PREP: variants seen among roughly 807,000 people sequenced by gnomAD.
The protein encoded by PREP is dJ355L5.1 (prolyl endopeptidase).
PREP carries 29 observed loss-of-function variants against 87.6 expected under a neutral mutation model. That is an observed-to-expected ratio of 0.33 (90% CI 0.25 to 0.45). The LOEUF is 0.45. PREP is among the 20% of genes least tolerant of loss of function. The pLI is 1.00. For synonymous variants in PREP, 337 were observed against 328.6 expected (o/e 1.03, Z -0.28); for missense variants, 695 against 886.5 (o/e 0.78, Z 2.74).
rs986457434 is a variant in PREP, at chr6:105,323,578, C to T, written c.1317+87G>A. 4 of 1,208,408 alleles carry T rather than the reference C, an allele frequency of 3.3e-6. No individual in the cohort carries two copies. The African/African-American group carries it at 6.0e-5, about 18-fold the overall frequency. 74.9% of individuals were successfully genotyped at this position (1,208,408 alleles called of 1,614,324 possible). On this transcript the variant is annotated intron_variant, in intron 10 of 14. Transcript: ENST00000652536. ...TACTAGTTGTCATGAATTACCTCCA[C>T]TGCTTCTGATAAGCTACAGTGTGAA...
intron 7 of PREP, among the ~76,000 whole-genome samples, chr6:105,352,288 A>T (rs1256056168): frequency 1.3e-5 from 2 of 152,164 alleles, no homozygotes; most frequent in Admixed American, 1.3e-4. Context: ...TTTGTGCTTG[A>T]TGATAGTGCT....
intron 10 of PREP, among the ~76,000 whole-genome samples, chr6:105,317,278 GA>G (rs1202765720): frequency 6.7e-6 from 1 of 150,282 alleles, no homozygotes; most frequent in Non-Finnish European, 1.5e-5. Context: ...TTTAAGAGGT[GA>G]AAAAAAAATC....
At chr6:105,300,025 T>C (rs2114625538) in intron 10 of PREP, among the ~76,000 whole-genome samples, 1 of 152,120 alleles carries the variant, frequency 6.6e-6, no homozygotes, top group South Asian at 2.1e-4. Flanking sequence ...GCCTCCTGAG[T>C]AGCTGAGAAT....
intron 7 of PREP, among the ~76,000 whole-genome samples, chr6:105,338,312 A>G (rs752515940): frequency 6.6e-6 from 1 of 152,252 alleles, no homozygotes; most frequent in African/African-American, 2.4e-5. Context: ...CAAAGTCACT[A>G]AAGTATGCAC....
intron 10 of PREP, among the ~76,000 whole-genome samples, chr6:105,307,070 CT>C (rs1208852772): frequency 6.6e-6 from 1 of 152,216 alleles, no homozygotes; most frequent in Non-Finnish European, 1.5e-5. Flanking sequence ...TTCTACTAAC[CT>C]GTAAATTCAG....
At chr6:105,285,009 G>GAAAACCAGC (rs1171831762) in intron 12 of PREP, among the ~76,000 whole-genome samples, 1 of 152,202 alleles carries the variant, frequency 6.6e-6, no homozygotes, top group East Asian at 1.9e-4. Context: ...GAAGATCTGA[G>GAAAACCAGC]AAAACCAGCA....
chr6:105,349,802 T>A (rs1305089288), intron 7 of PREP, among the ~76,000 whole-genome samples: 1 of 149,988 alleles, frequency 6.7e-6, no homozygotes, highest in African/African-American at 2.5e-5. Flanking sequence ...GTCTAAGTCA[T>A]CTAACATTCA....
Position 105,281,783 on chromosome 6 carries a change from A to T in PREP, c.1801T>A (p.Cys601Ser). The T allele has an allele frequency of 6.2e-7, 1 of 1,614,116 alleles. No homozygotes were observed. Among genetic ancestry groups the T allele is most frequent in the Non-Finnish European group, 8.5e-7 (1 of 1,180,010 alleles). ...TCAAAGTGTTGTTTGCTGTCCGAGC[A>T]CCCATAATCAGTGGTCCAAGCATGG... ...IGHAWTTDYG[C>S]SDSKQHFEWL... Residue 601 changes from cysteine to serine, a missense_variant, in exon 14 of 15, where the codon TGC becomes AGC. Physicochemically the swap from Cys to Ser is moderately radical, Grantham distance 112. Around this residue, in one of 5 missense-constraint regions of PREP, gnomAD observed 121 missense variants for 154.8 expected, o/e 0.78. Transcript: ENST00000652536.
At chr6:105,334,182 T>C (rs974834399) in intron 7 of PREP, among the ~76,000 whole-genome samples, 1 of 152,228 alleles carries the variant, frequency 6.6e-6, no homozygotes, top group Non-Finnish European at 1.5e-5. Flanking sequence ...TCCATGTTAG[T>C]GCCCTTAGAA....
intron 10 of PREP, among the ~76,000 whole-genome samples, chr6:105,308,235 G>A (rs543430055): frequency 2.0e-5 from 3 of 152,108 alleles, no homozygotes; most frequent in East Asian, 1.9e-4. Context: ...AGATTTGACC[G>A]TCCAGAGGCT....
chr6:105,349,599 C>G (rs2114679571), intron 7 of PREP, among the ~76,000 whole-genome samples: 1 of 152,148 alleles, frequency 6.6e-6, no homozygotes, highest in Non-Finnish European at 1.5e-5. Flanking sequence ...TCAAAAAAGA[C>G]AACTGAGTGG....
intron 7 of PREP, among the ~76,000 whole-genome samples, chr6:105,344,040 T>C (rs1345478014): frequency 6.6e-6 from 1 of 152,248 alleles, no homozygotes; most frequent in East Asian, 1.9e-4. Context: ...CAAAGGATTA[T>C]AAATCGTGCT....
chr6:105,376,405 G>A, intron 3 of PREP, 150 bp from the exon 4 acceptor site: 2 of 801,508 alleles, frequency 2.5e-6, no homozygotes, highest in Admixed American at 2.8e-5. Context: ...GGACATGGGT[G>A]AAAGGTTCCA....
intron 7 of PREP, among the ~76,000 whole-genome samples, chr6:105,340,284 G>A (rs569679427): frequency 7.2e-5 from 11 of 152,216 alleles, no homozygotes; most frequent in Middle Eastern, 3.4e-3. Context: ...TTCATATGCA[G>A]CCAAACTAAG....
At chr6:105,389,268 A>C (rs1441851259) in intron 2 of PREP, among the ~76,000 whole-genome samples, 1 of 152,192 alleles carries the variant, frequency 6.6e-6, no homozygotes, top group African/African-American at 2.4e-5. Flanking sequence ...AAATTAATGA[A>C]TATTACTTTA....
intron 6 of PREP, among the ~76,000 whole-genome samples, chr6:105,356,062 TCCTCTTGGCTATCAGTCA>T (rs1772090974): frequency 6.6e-6 from 1 of 152,196 alleles, no homozygotes; most frequent in Admixed American, 6.5e-5. Context: ...TGACTATTTT[TCCTCTTGGCTATCAGTCA>T]CATTTTTTTT....
chr6:105,390,102 A>T (rs181103755), intron 2 of PREP, among the ~76,000 whole-genome samples: 1 of 152,186 alleles, frequency 6.6e-6, no homozygotes, highest in African/African-American at 2.4e-5. Context: ...GGAAAGAAAC[A>T]GTACTGAGAC....
At chr6:105,285,398 C>A in intron 12 of PREP, 88 bp downstream of exon 12, 2 of 1,347,266 alleles carry the variant, frequency 1.5e-6, no homozygotes, top group Non-Finnish European at 2.1e-6. Context: ...CTGCTCCAAA[C>A]CCCTTCAGCT....
At chr6:105,365,562 A>C (rs537360089) in intron 6 of PREP, among the ~76,000 whole-genome samples, 4 of 152,300 alleles carry the variant, frequency 2.6e-5, no homozygotes, top group African/African-American at 9.6e-5. Flanking sequence ...TGTTTAAGTG[A>C]CAAGAGTACT....
Sources: gnomAD v4.1 joint callset for allele counts (sites outside exome capture counted in the v4.1 genomes callset) on GRCh38, gnomAD v4.1.1 for gene constraint, gnomAD v4.1.1 regional missense constraint, MANE v1.5 for transcripts, NCBI Gene and HGNC (gene_info 2026-07-23, HGNC 2026-07-21) for gene names.